CCDC7: variants seen among roughly 807,000 people sequenced by gnomAD.
The protein encoded by CCDC7 is coiled-coil domain-containing protein 7.
In CCDC7, 183 loss-of-function variants were observed where a neutral mutation model predicts 196.9. The observed-to-expected ratio is 0.93, with a 90% CI of 0.82 to 1.05. The LOEUF (loss-of-function observed/expected upper bound fraction) is 1.05. Among genes scored for constraint, CCDC7 ranks in the 50% least tolerant of loss-of-function variants. The pLI, the probability that CCDC7 is intolerant of heterozygous loss-of-function variation, is 0.00. For missense variants in CCDC7, 1,540 were observed against 1,482.2 expected, an observed-to-expected ratio of 1.04 and a Z score of -0.64; for synonymous variants, 525 against 484.6, an observed-to-expected ratio of 1.08 and a Z score of -1.10.
At chr10:32,550,297 C>G (rs550014625) in intron 13 of CCDC7, among the ~76,000 whole-genome samples, 2 of 151,904 alleles carry the variant, frequency 1.3e-5, no homozygotes, top group East Asian at 3.9e-4. Flanking sequence ...TTTATCAGTT[C>G]TAGGAGCTTT....
At chr10:32,790,874 CTA>C (rs1310105651) in intron 29 of CCDC7, among the ~76,000 whole-genome samples, 1 of 152,172 alleles carries the variant, frequency 6.6e-6, no homozygotes, top group Non-Finnish European at 1.5e-5. Context: ...TTGCAAGACA[CTA>C]AGCACAGGAC....
chr10:32,746,794 T>C (rs1016922692), intron 28 of CCDC7, among the ~76,000 whole-genome samples: 4 of 152,256 alleles, frequency 2.6e-5, no homozygotes, highest in African/African-American at 9.6e-5. Context: ...ACTTTGTCAT[T>C]GTGCACTAAC....
chr10:32,577,839 G>A (rs2058371690), intron 16 of CCDC7, among the ~76,000 whole-genome samples: 1 of 152,180 alleles, frequency 6.6e-6, no homozygotes, highest in African/African-American at 2.4e-5. Context: ...TTGGATTAGA[G>A]AAGACCCATA....
At chr10:32,451,004 A>G (rs1020568765), upstream of CCDC7, among the ~76,000 whole-genome samples, 19 of 151,890 alleles carry the variant, frequency 1.3e-4, no homozygotes, top group African/African-American at 4.6e-4. Context: ...TTCAGAGTTG[A>G]TTTTGGGATT....
intron 18 of CCDC7, among the ~76,000 whole-genome samples, chr10:32,595,145 T>A (rs1226871220): frequency 3.3e-5 from 5 of 152,228 alleles, no homozygotes. Flanking sequence ...TCTTTGTACC[T>A]CTGGCAGAAT....
rs1273574001 is a variant in CCDC7 at position 32,471,024 on chromosome 10, T to G, written c.511-40T>G. The G allele has an allele frequency of 6.7e-6, 10 of 1,499,234 alleles. No homozygotes were observed. In the East Asian group the frequency reaches 2.4e-4, roughly 36 times the overall value. The allele number at this position is 1,499,234 out of a possible 1,614,324, so 92.9% of individuals were successfully genotyped here. A position where few individuals can be genotyped will look rare whatever the true frequency, so the allele number is the denominator to read the frequency against. On this transcript the variant is annotated intron_variant, in intron 5 of 41. Transcript: ENST00000639629. ...ATTTATTTGAGGTATGGGAACAAAA[T>G]GGGTATTTACTAAATAACTGGTTAA...
rs1228483605 is a variant in CCDC7 at position 32,598,478 on chromosome 10, T to TCCG, written c.1801+14175_1801+14177dup. Among the ~76,000 whole-genome samples the TCCG allele has an allele frequency of 3.9e-5, 6 of 152,284 alleles. No homozygotes were observed. The East Asian group carries it at 1.2e-3, about 29-fold the overall frequency. The stretch of plus-strand genomic sequence containing the variant: ...AGGGTGAGGCGATGCCCTGCCCTGC[T>TCCG]CCGTGGGCTGCACCCACGTGTCTGG... On this transcript the variant is annotated intron_variant, in intron 18 of 41. Transcript: ENST00000639629.
rs1346477088 is a variant in CCDC7, at chr10:32,555,249, A to T, written c.1135-10309A>T. On this transcript the variant is annotated intron_variant, in intron 13 of 41. Transcript: ENST00000639629. ...GGATTATATGTTAGTTCTATTTTTA[A>T]TTTTTTTTTTTTTTTGAGATGGAGT... Among the ~76,000 whole-genome samples the T allele has an allele frequency of 6.0e-4, 86 of 142,974 alleles. No individual in the cohort carries two copies. In the East Asian group the frequency reaches 0.014, roughly 24 times the overall value. 93.8% of individuals were successfully genotyped at this position (142,974 alleles called of 152,430 possible).
intron 20 of CCDC7, among the ~76,000 whole-genome samples, chr10:32,648,238 G>A (rs2068117117): frequency 1.3e-5 from 2 of 152,132 alleles, no homozygotes; most frequent in Admixed American, 6.5e-5. Context: ...TGGCTTTATA[G>A]TATAGTTTGA....
At chr10:32,729,128 C>A (rs1592119243) in intron 27 of CCDC7, 131 bp downstream of exon 28, 1 of 819,790 alleles carries the variant, frequency 1.2e-6, no homozygotes, top group East Asian at 2.7e-5. Flanking sequence ...AGTGTGAATA[C>A]CCTATGATAA....
At chr10:32,647,832 T>G (rs1377722403) in intron 20 of CCDC7, among the ~76,000 whole-genome samples, 2 of 152,268 alleles carry the variant, frequency 1.3e-5, no homozygotes, top group Non-Finnish European at 2.9e-5. Flanking sequence ...TTTAGTTTAA[T>G]TAAATCCTAC....
intron 9 of CCDC7, among the ~76,000 whole-genome samples, chr10:32,492,861 A>G (rs1564445171): frequency 6.6e-6 from 1 of 152,148 alleles, no homozygotes; most frequent in Non-Finnish European, 1.5e-5. Flanking sequence ...ATAGTTAAAA[A>G]AGTTAAAAGT....
At chr10:32,486,402 A>G (rs1378396773) in intron 8 of CCDC7, among the ~76,000 whole-genome samples, 1 of 151,252 alleles carries the variant, frequency 6.6e-6, no homozygotes, top group Non-Finnish European at 1.5e-5. Context: ...TCTGCACGTG[A>G]GATGGGTTTC....
At chr10:32,819,830 C>G (rs1046622629) in intron 31 of CCDC7, among the ~76,000 whole-genome samples, 1 of 152,140 alleles carries the variant, frequency 6.6e-6, no homozygotes, top group Admixed American at 6.5e-5. Context: ...ATAATAAGAG[C>G]TATCTATGAC....
chr10:32,644,719 T>C (rs113006317), intron 20 of CCDC7, among the ~76,000 whole-genome samples: 8,087 of 152,264 alleles, frequency 0.053, 719 homozygotes, highest in African/African-American at 0.18. Flanking sequence ...TAAGGGGTTT[T>C]TGCTTTCACT....
intron 9 of CCDC7, among the ~76,000 whole-genome samples, chr10:32,494,093 A>G (rs2042541503): frequency 6.6e-6 from 1 of 152,126 alleles, no homozygotes; most frequent in Admixed American, 6.6e-5. Context: ...TTTTGGGGTC[A>G]TATCAAAAAA....
At chr10:32,559,819 G>A (rs1368514741) in intron 13 of CCDC7, among the ~76,000 whole-genome samples, 1 of 152,238 alleles carries the variant, frequency 6.6e-6, no homozygotes, top group East Asian at 1.9e-4. Context: ...AAAGCTGGAT[G>A]GAGAATGACT....
At chr10:32,534,482 C>T (rs903429862) in intron 11 of CCDC7, among the ~76,000 whole-genome samples, 1 of 151,824 alleles carries the variant, frequency 6.6e-6, no homozygotes, top group Non-Finnish European at 1.5e-5. Flanking sequence ...TATGCCTGTG[C>T]CTTTGCTTTG....
intron 18 of CCDC7, among the ~76,000 whole-genome samples, chr10:32,597,593 G>A (rs527408146): frequency 3.3e-5 from 5 of 152,338 alleles, no homozygotes; most frequent in African/African-American, 1.2e-4. Context: ...TGGAGGAGAA[G>A]AGGTGTCTGA....
Sources: gnomAD v4.1 joint callset for allele counts (sites outside exome capture counted in the v4.1 genomes callset) on GRCh38, gnomAD v4.1.1 for gene constraint, MANE v1.5 for transcripts, NCBI Gene and HGNC (gene_info 2026-07-23, HGNC 2026-07-21) for gene names.